The following SPTBN1 variants were observed in gnomAD, a reference collection of about 807,000 sequenced individuals.
The protein encoded by SPTBN1 is spectrin beta chain, non-erythrocytic 1.
In SPTBN1, 32 loss-of-function variants were observed where a neutral mutation model predicts 266.4. That is an observed-to-expected ratio of 0.12 (90% CI 0.09 to 0.16). The LOEUF is 0.16. SPTBN1 is among the 10% of genes least tolerant of loss of function. The pLI is 1.00. For missense variants in SPTBN1, 2,296 were observed against 3,067.1 expected, an observed-to-expected ratio of 0.75 and a Z score of 5.94; for synonymous variants, 1,336 against 1,162.2, an observed-to-expected ratio of 1.15 and a Z score of -3.04.
intron 2 of SPTBN1, among the ~76,000 whole-genome samples, chr2:54,581,913 A>G (rs1258214447): frequency 6.6e-6 from 1 of 152,126 alleles, no homozygotes; most frequent in Non-Finnish European, 1.5e-5. Flanking sequence ...AATCCTACTG[A>G]AGAACTTTGC....
intron 1 of SPTBN1, among the ~76,000 whole-genome samples, chr2:54,459,677 G>T (rs1019650071): frequency 6.6e-6 from 1 of 152,026 alleles, no homozygotes; most frequent in Non-Finnish European, 1.5e-5. Flanking sequence ...TTATAATTGG[G>T]CTTTATTTAA....
intron 3 of SPTBN1, among the ~76,000 whole-genome samples, chr2:54,602,048 A>G (rs762969426): frequency 6.6e-6 from 1 of 152,196 alleles, no homozygotes; most frequent in Non-Finnish European, 1.5e-5. Flanking sequence ...TCTCGGTCTC[A>G]GGTGTATCAG....
At chr2:54,620,814 A>G (rs1039421774) in intron 7 of SPTBN1, among the ~76,000 whole-genome samples, 20 of 152,210 alleles carry the variant, frequency 1.3e-4, no homozygotes, top group African/African-American at 3.9e-4. Flanking sequence ...TGAAGCGCTT[A>G]TAGTTTATTC....
Position 54,625,947 on chromosome 2 carries a change from G to T in SPTBN1, c.1357G>T (p.Asp453Tyr). 6.2e-7 allele frequency: 1 copy of T among 1,613,482 alleles called. No homozygotes were observed. Among genetic ancestry groups the T allele is most frequent in the South Asian group, 1.1e-5 (1 of 91,032 alleles). ...RLVSQDNFGFDLPAVEAATKK... is the reference protein window; with the variant it reads ...RLVSQDNFGFYLPAVEAATKK... Reference sequence around the variant, plus strand: ...TTCTCTGTAGGACAACTTTGGGTTTGACCTTCCTGCAGTTGAGGCCGCCAC... The same window carrying T: ...TTCTCTGTAGGACAACTTTGGGTTTTACCTTCCTGCAGTTGAGGCCGCCAC... Residue 453 changes from aspartate to tyrosine, a missense_variant, in exon 12 of 36, where the codon GAC (aspartate) becomes TAC (tyrosine). Transcript: ENST00000356805.
At chr2:54,648,662 GA>G (rs1558467760) in intron 24 of SPTBN1, among the ~76,000 whole-genome samples, 1 of 152,146 alleles carries the variant, frequency 6.6e-6, no homozygotes, top group Non-Finnish European at 1.5e-5. Flanking sequence ...GGTGCAGAGA[GA>G]ATTTTCCCCT....
chr2:54,610,870 CAAG>C (rs1268254576), intron 3 of SPTBN1, among the ~76,000 whole-genome samples: 1 of 152,184 alleles, frequency 6.6e-6, no homozygotes, highest in Non-Finnish European at 1.5e-5. Flanking sequence ...GAAAAATACA[CAAG>C]AACTGTGAGA....
At position 54,655,112 on chromosome 2, in the gene SPTBN1, C is replaced by T; in HGVS notation, c.5865C>T (p.Gly1955=). Residue 1955 remains glycine (G), a synonymous_variant, in exon 28 of 36, where the codon GGC becomes GGT. Coordinates refer to ENST00000356805, the MANE Select transcript of SPTBN1 (RefSeq NM_003128.3). ...SVELLMNNHQ[G]IKAEIDARND... is the part of the protein sequence containing the mutation. ...AACTCTTAATGAATAATCATCAAGGCATCAAAGCTGAAATTGATGCACGTA... is the reference window on the plus strand; with the variant it reads ...AACTCTTAATGAATAATCATCAAGGTATCAAAGCTGAAATTGATGCACGTA... The T allele has an allele frequency of 6.2e-7, 1 of 1,614,112 alleles. No homozygotes were observed. The highest frequency in any genetic ancestry group is 8.5e-7 in the Non-Finnish European group (1 of 1,179,996).
At chr2:54,598,922 A>C (rs1282388193) in intron 2 of SPTBN1, among the ~76,000 whole-genome samples, 170 bp from the exon 3 acceptor site, 1 of 152,220 alleles carries the variant, frequency 6.6e-6, no homozygotes. Context: ...ATCAGTAATC[A>C]GTGTTCTTTC....
At chr2:54,495,025 TG>T (rs1213005896) in intron 1 of SPTBN1, among the ~76,000 whole-genome samples, 1 of 151,792 alleles carries the variant, frequency 6.6e-6, no homozygotes, top group East Asian at 1.9e-4. Context: ...GGGGCAGAAG[TG>T]GGCTGACAGG....
chr2:54,469,932 A>G (rs1033470546), intron 1 of SPTBN1, among the ~76,000 whole-genome samples: 11 of 152,178 alleles, frequency 7.2e-5, no homozygotes, highest in African/African-American at 2.4e-4. Context: ...TCTGCCTGCC[A>G]TTTCGGAAGG....
intron 1 of SPTBN1, among the ~76,000 whole-genome samples, chr2:54,458,256 A>G (rs941377637): frequency 2.0e-5 from 3 of 152,222 alleles, no homozygotes; most frequent in Admixed American, 6.5e-5. Flanking sequence ...TAAGACATTT[A>G]TAAGTATATT....
chr2:54,577,176 C>T (rs929107070), intron 2 of SPTBN1, among the ~76,000 whole-genome samples: 6 of 152,198 alleles, frequency 3.9e-5, no homozygotes, highest in African/African-American at 1.4e-4. Context: ...TGCTGCTTAG[C>T]AGCTGATGTT....
chr2:54,598,042 TTCTGTGGATG>T lies in SPTBN1; in HGVS notation c.149-1044_149-1035del, dbSNP rs1335055160. ...TAAGAGTGGTTGGGTCCAGGGTACGTTCTGTGGATGTCTGTTGAAGGTCTTCAGCAACCTA... is the reference window on the plus strand; with the variant it reads ...TAAGAGTGGTTGGGTCCAGGGTACGTTCTGTTGAAGGTCTTCAGCAACCTA... On this transcript the variant is annotated intron_variant, in intron 2 of 35. Transcript: ENST00000356805. Among the ~76,000 whole-genome samples, 5 of 152,130 alleles carry T rather than the reference TTCTGTGGATG, an allele frequency of 3.3e-5. No individual in the cohort carries two copies. The East Asian group carries it at 9.6e-4, about 29-fold the overall frequency.
Position 54,632,718 on chromosome 2 carries a change from G to A in SPTBN1, c.3717G>A (p.Gly1239=). 2 of 1,614,226 alleles carry A rather than the reference G, an allele frequency of 1.2e-6. No homozygotes were observed. The highest frequency in any genetic ancestry group is 1.7e-6 in the Non-Finnish European group (2 of 1,180,046). The change falls in exon 17 of 36, where the codon GGG becomes GGA. Residue 1239 remains glycine, a synonymous_variant. Transcript: ENST00000356805. ...VETGRRLVSD[G]NINSDRIQEK... ...CTGGCCGGAGGCTGGTGAGCGATGGGAACATCAACTCAGATCGCATCCAGG... is the reference window on the plus strand; with the variant it reads ...CTGGCCGGAGGCTGGTGAGCGATGGAAACATCAACTCAGATCGCATCCAGG...
At chr2:54,458,222 A>G (rs1371770084) in intron 1 of SPTBN1, among the ~76,000 whole-genome samples, 1 of 152,214 alleles carries the variant, frequency 6.6e-6, no homozygotes, top group African/African-American at 2.4e-5. Context: ...TGAAATGATT[A>G]ATGCATTTTG....
At chr2:54,516,391 T>A (rs367804796) in intron 1 of SPTBN1, 4 of 152,094 alleles carry the variant, frequency 2.6e-5, no homozygotes, top group Non-Finnish European at 4.4e-5. Flanking sequence ...GGGTTTAGAG[T>A]CATCACCTCT....
In SPTBN1 at chr2:54,494,465, T is replaced by C. The variant is rs539023274; in HGVS notation, c.-47-31907T>C. ...CAAATGTTTATAGCAGCTTTATTTG[T>C]AGTAACCCCAAACTGGAAACAACCT... is the stretch of plus-strand genomic sequence containing the variant. On this transcript the variant is annotated intron_variant, in intron 1 of 35. Coordinates refer to ENST00000356805, the MANE Select transcript of SPTBN1 (RefSeq NM_003128.3). Among the ~76,000 whole-genome samples, 31 of 152,316 alleles carry C rather than the reference T, an allele frequency of 2.0e-4. No individual in the cohort carries two copies. The East Asian group carries it at 5.8e-3, about 28-fold the overall frequency.
At chr2:54,544,456 C>T (rs1212170376) in intron 2 of SPTBN1, among the ~76,000 whole-genome samples, 2 of 152,162 alleles carry the variant, frequency 1.3e-5, no homozygotes, top group Admixed American at 6.5e-5. Flanking sequence ...ATTGAACTTA[C>T]TAAACCTTTC....
At chr2:54,596,800 T>A (rs1248113371) in intron 2 of SPTBN1, among the ~76,000 whole-genome samples, 1 of 152,224 alleles carries the variant, frequency 6.6e-6, no homozygotes, top group African/African-American at 2.4e-5. Context: ...CTCTGTTCTC[T>A]GCACCCACCC....
Sources: allele counts gnomAD v4.1 joint callset (sites outside exome capture counted in the v4.1 genomes callset), GRCh38; gene constraint gnomAD v4.1.1; transcripts MANE v1.5; gene names NCBI Gene and HGNC (gene_info 2026-07-23, HGNC 2026-07-21).